IRAK2: variants seen among roughly 807,000 people sequenced by gnomAD.
IRAK2 encodes interleukin-1 receptor-associated kinase-like 2.
In IRAK2, 57 loss-of-function variants were observed where a neutral mutation model predicts 72.0. The ratio of observed to expected loss-of-function variants is 0.79; its 90% CI spans 0.64 to 0.99. IRAK2 has a LOEUF of 0.99. Ranked by LOEUF, IRAK2 falls within the 50% of genes least tolerant of loss-of-function variation. The pLI is 0.00. For missense variants in IRAK2, 790 were observed against 794.4 expected, an observed-to-expected ratio of 0.99 and a Z score of 0.07; for synonymous variants, 293 against 312.7, an observed-to-expected ratio of 0.94 and a Z score of 0.67.
At chr3:10,208,102 G>T (rs373586705) in intron 3 of IRAK2, among the ~76,000 whole-genome samples, 1 of 151,886 alleles carries the variant, frequency 6.6e-6, no homozygotes, top group Non-Finnish European at 1.5e-5. Context: ...GGGGCTCCTC[G>T]GTGGGCGCAG....
intron 1 of IRAK2, among the ~76,000 whole-genome samples, chr3:10,177,481 C>T (rs1696894107): frequency 6.6e-6 from 1 of 152,172 alleles, no homozygotes; most frequent in Non-Finnish European, 1.5e-5. Context: ...AGGTAGAGCT[C>T]CCTGCCTACA....
Position 10,238,979 on chromosome 3 carries a change from G to C in IRAK2, c.1705G>C (p.Val569Leu). The stretch of plus-strand genomic sequence containing the variant: ...TGGGGAAGGAAGGCTGCGGGTCATC[G>C]TGGGAAGGGAGGCTGACTCCTCCTC... Reference protein sequence around the residue: ...ENGEGRLRVIVGREADSSSEA... With the variant: ...ENGEGRLRVILGREADSSSEA... Residue 569 changes from valine (V) to leucine (L), a missense_variant, in exon 12 of 13, where the codon GTG (valine) becomes CTG (leucine). Val to Leu is a conservative substitution (Grantham distance 32). Transcript: ENST00000256458. 3 of 1,613,822 alleles carry C rather than the reference G, an allele frequency of 1.9e-6. No homozygotes were observed. The highest frequency in any genetic ancestry group is 2.5e-6 in the Non-Finnish European group (3 of 1,179,856).
At chr3:10,226,878 AG>A (rs1697786383) in intron 10 of IRAK2, among the ~76,000 whole-genome samples, 1 of 150,752 alleles carries the variant, frequency 6.6e-6, no homozygotes, top group South Asian at 2.1e-4. Context: ...CCTGGGAGGC[AG>A]AGGTTGCAGT....
intron 2 of IRAK2, among the ~76,000 whole-genome samples, chr3:10,183,021 C>T (rs571909522): frequency 1.3e-5 from 2 of 152,302 alleles, no homozygotes; most frequent in South Asian, 2.1e-4. Context: ...ATCTGCCCAC[C>T]TCGGCCTTCC....
At chr3:10,200,324 C>T in intron 2 of IRAK2, 45 bp from the exon 3 acceptor site, 1 of 1,515,918 alleles carries the variant, frequency 6.6e-7, no homozygotes, top group Middle Eastern at 2.1e-4. Context: ...AATGGCTACC[C>T]CACTTCATGG....
intron 11 of IRAK2, 118 bp from the exon 12 acceptor site, chr3:10,238,630 A>T: frequency 1.0e-6 from 1 of 978,486 alleles, no homozygotes; most frequent in Non-Finnish European, 1.5e-6. Flanking sequence ...CAGACAAAAC[A>T]ACCAGCATTA....
In IRAK2 at chr3:10,219,932, G is replaced by A. The variant is rs1697663343; in HGVS notation, c.1013+143G>A. 4.7e-6 allele frequency: 3 copies of A among 638,318 alleles called. No homozygotes were observed. In the South Asian group the frequency reaches 5.6e-5, roughly 12 times the overall value. The allele number at this position is 638,318 out of a possible 1,614,324, so 39.5% of individuals were successfully genotyped here. A position where few individuals can be genotyped will look rare whatever the true frequency, so the allele number is the denominator to read the frequency against. On this transcript the variant is annotated intron_variant, in intron 8 of 12. Transcript: ENST00000256458. ...TACCTCCTCTCCTCTGCCCTCCCCT[G>A]GATGTCTTTTTCTCTGTTATGCCCT...
chr3:10,167,539 C>T lies in IRAK2; in HGVS notation c.94+2491C>T, dbSNP rs548912551. 6.6e-5 allele frequency among the ~76,000 whole-genome samples: 10 copies of T among 152,138 alleles called. No homozygotes were observed. In the South Asian group the frequency reaches 1.9e-3, roughly 28 times the overall value. On this transcript the variant is annotated intron_variant, in intron 1 of 12. Coordinates refer to ENST00000256458, the MANE Select transcript of IRAK2 (RefSeq NM_001570.4). The stretch of plus-strand genomic sequence containing the variant: ...ATGCCATTCTCCTGCTTCAGCCTCC[C>T]TAGCAGCTTGGACTACAGGTGCCTG...
intron 2 of IRAK2, among the ~76,000 whole-genome samples, chr3:10,180,015 A>G (rs1269861330): frequency 1.3e-5 from 2 of 152,224 alleles, no homozygotes; most frequent in Non-Finnish European, 2.9e-5. Flanking sequence ...GTTGATTGAT[A>G]TTTAGTATTA....
intron 11 of IRAK2, among the ~76,000 whole-genome samples, chr3:10,238,093 TACAC>T (rs1013633252): frequency 6.6e-6 from 1 of 151,656 alleles, no homozygotes; most frequent in Non-Finnish European, 1.5e-5. Flanking sequence ...CTTAAACTCT[TACAC>T]ACACACACGT....
chr3:10,191,021 G>A (rs987977965), intron 2 of IRAK2, among the ~76,000 whole-genome samples: 3 of 152,078 alleles, frequency 2.0e-5, no homozygotes, highest in East Asian at 3.9e-4. Context: ...TAGGCCGGGC[G>A]CGGTGGCTCA....
At chr3:10,209,738 G>A (rs201985349) in intron 4 of IRAK2, 46 bp downstream of exon 4, 10 of 1,190,794 alleles carry the variant, frequency 8.4e-6, no homozygotes, top group East Asian at 2.8e-5. Context: ...GTCTCCCAGC[G>A]TGTAGTTCCC....
rs772938080 is a variant in IRAK2, at chr3:10,216,977, G to A, written c.832G>A (p.Ala278Thr). ...CTTACCTGTGCTGGGCTTCTGTGCT[G>A]CAAGACAGTTTCACAGCTTCATCTA... The part of the protein sequence containing the change: ...NVLPVLGFCA[A>T]RQFHSFIYPY... The change falls in exon 7 of 13, where the codon GCA becomes ACA. Residue 278 changes from alanine (A) to threonine (T), a missense_variant. Coordinates refer to ENST00000256458, the MANE Select transcript of IRAK2 (RefSeq NM_001570.4). The A allele has an allele frequency of 1.9e-6, 3 of 1,614,162 alleles. No homozygotes were observed. Among genetic ancestry groups the A allele is most frequent in the Non-Finnish European group, 2.5e-6 (3 of 1,180,026 alleles).
At chr3:10,224,538 A>ACCCTGCACCCTGCG (rs138513067) in intron 9 of IRAK2, among the ~76,000 whole-genome samples, 28,897 of 150,224 alleles carry the variant, frequency 0.19, 3,615 homozygotes, top group East Asian at 0.64. Context: ...TGCACCCTGC[A>ACCCTGCACCCTGCG]CCTACCAAGA....
intron 1 of IRAK2, among the ~76,000 whole-genome samples, chr3:10,168,571 T>G (rs1316646384): frequency 1.3e-5 from 2 of 152,212 alleles, no homozygotes; most frequent in Non-Finnish European, 2.9e-5. Context: ...TTACTGTGGT[T>G]TGATTTGCAT....
chr3:10,240,410 T>C (rs1364318759), intron 12 of IRAK2, among the ~76,000 whole-genome samples: 6 of 150,446 alleles, frequency 4.0e-5, no homozygotes, highest in African/African-American at 1.5e-4. Flanking sequence ...TGAGCCGAGA[T>C]TGCACCACTG....
At position 10,200,412 on chromosome 3, in the gene IRAK2, T is replaced by A. The variant is rs367977074; in HGVS notation, c.321T>A (p.Pro107=). ...PEIRCPIPAF[P]DSVKPEKPLA... ...TCAGGTGTCCCATTCCAGCCTTCCC[T>A]GACTCTGTGAAGCCAGAAAAGCCTT... Residue 107 remains proline (P), a synonymous_variant, in exon 3 of 13, where the codon CCT becomes CCA. Coordinates refer to ENST00000256458, the MANE Select transcript of IRAK2 (RefSeq NM_001570.4). The A allele has an allele frequency of 1.9e-6, 3 of 1,606,880 alleles. No homozygotes were observed. In the South Asian group the frequency reaches 3.3e-5, roughly 18 times the overall value.
At chr3:10,209,523 T>A (rs1697485568) in intron 3 of IRAK2, 66 bp from the exon 4 acceptor site, 1 of 1,056,008 alleles carries the variant, frequency 9.5e-7, no homozygotes, top group South Asian at 1.8e-5. Flanking sequence ...GTCTGAGGAC[T>A]AGACCAGGAT....
intron 2 of IRAK2, 75 bp downstream of exon 2, chr3:10,178,095 C>T (rs989382344): frequency 2.5e-6 from 3 of 1,194,746 alleles, no homozygotes; most frequent in South Asian, 1.4e-5. Context: ...GAGTTGCACT[C>T]TCTGGCCTTA....
Sources: gnomAD v4.1 joint callset for allele counts (sites outside exome capture counted in the v4.1 genomes callset) on GRCh38, gnomAD v4.1.1 for gene constraint, MANE v1.5 for transcripts, NCBI Gene and HGNC (gene_info 2026-07-23, HGNC 2026-07-21) for gene names.